The following AGBL1 variants were observed in gnomAD, a reference collection of about 807,000 sequenced individuals.
The protein encoded by AGBL1 is AGBL carboxypeptidase 1.
A neutral mutation model predicts 118.9 loss-of-function variants in AGBL1; 130 were observed. That is an observed-to-expected ratio of 1.09 (90% CI 0.95 to 1.26). The LOEUF (loss-of-function observed/expected upper bound fraction) is 1.26, where lower values mean the gene tolerates loss of function less well. AGBL1 is among the 50% of genes most tolerant of loss of function. The probability of loss-of-function intolerance (pLI) is 0.00; values close to 1 mark genes in which losing one functional copy is unlikely to be tolerated. For missense variants in AGBL1, 1,584 were observed against 1,298.1 expected (o/e 1.22, Z -3.38); for synonymous variants, 555 against 478.9 (o/e 1.16, Z -2.08).
intron 22 of AGBL1, among the ~76,000 whole-genome samples, chr15:86,881,964 G>T (rs529931336): frequency 6.6e-6 from 1 of 152,222 alleles, no homozygotes; most frequent in Non-Finnish European, 1.5e-5. Context: ...TCCCACCAGC[G>T]CCCACCTCCA....
chr15:86,936,711 C>A (rs1402789006), intron 23 of AGBL1, among the ~76,000 whole-genome samples: 6 of 152,118 alleles, frequency 3.9e-5, no homozygotes, highest in African/African-American at 1.4e-4. Context: ...TGGAAGACAA[C>A]CTAGGCAATA....
At chr15:86,306,313 A>C (rs2079839749) in intron 17 of AGBL1, among the ~76,000 whole-genome samples, 2 of 152,014 alleles carry the variant, frequency 1.3e-5, no homozygotes, top group South Asian at 4.1e-4. Flanking sequence ...GTGACCCTCT[A>C]CTACCTTCCA....
chr15:86,465,245 C>T (rs185786614), intron 18 of AGBL1, among the ~76,000 whole-genome samples: 19 of 152,218 alleles, frequency 1.2e-4, no homozygotes, highest in African/African-American at 4.6e-4. Flanking sequence ...TTATCACTTC[C>T]CCAATCAATA....
chr15:86,385,178 TTCA>T (rs1248010508), intron 17 of AGBL1, among the ~76,000 whole-genome samples: 2 of 152,260 alleles, frequency 1.3e-5, no homozygotes, highest in African/African-American at 2.4e-5. Flanking sequence ...CTATGTCTCA[TTCA>T]TCATTTTTTC....
Position 86,674,331 on chromosome 15 carries a change from T to C in AGBL1, c.3053T>C (p.Leu1018Pro), listed in dbSNP as rs577431133. Residue 1018 changes from leucine to proline, a missense_variant, in exon 22 of 23, where the codon CTC becomes CCC. Physicochemically the swap from Leu to Pro is moderately conservative, Grantham distance 98. Transcript: ENST00000614907. Reference protein sequence around the residue: ...EEMGAMFCLGLLILELKSASC... With the variant: ...EEMGAMFCLGPLILELKSASC... ...ATGGGAGCCATGTTCTGTTTGGGCC[T>C]CCTCATCCTGGAGCTCAAATCTGCC... 13 of 1,612,274 alleles carry C rather than the reference T, an allele frequency of 8.1e-6. No individual in the cohort carries two copies. The highest frequency in any genetic ancestry group is 1.1e-5 in the Non-Finnish European group (13 of 1,179,224).
chr15:86,234,830 TCATCAC>T (rs1437441593), intron 6 of AGBL1, among the ~76,000 whole-genome samples: 1 of 152,200 alleles, frequency 6.6e-6, no homozygotes, highest in Non-Finnish European at 1.5e-5. Context: ...TGTTTTATTG[TCATCAC>T]CATTTCAAAA....
chr15:86,884,170 A>G lies in AGBL1; in HGVS notation c.3159-22917A>G, dbSNP rs551806621. On this transcript the variant is annotated intron_variant, in intron 22 of 22. Coordinates refer to ENST00000614907, the MANE Select transcript of AGBL1 (RefSeq NM_001386094.1). ...AACACTATTATTGCACTTTGGGGCC[A>G]TTATTAAGTCCAACAAAGGTTACTT... Among the ~76,000 whole-genome samples the G allele has an allele frequency of 5.9e-5, 9 of 152,298 alleles. No individual in the cohort carries two copies. In the South Asian group the frequency reaches 1.2e-3, roughly 21 times the overall value.
chr15:86,404,187 G>A (rs920565478), intron 18 of AGBL1, among the ~76,000 whole-genome samples: 5 of 152,124 alleles, frequency 3.3e-5, no homozygotes, highest in Non-Finnish European at 7.3e-5. Flanking sequence ...AGAAGCCATG[G>A]CGCAGCCTTG....
At chr15:86,306,305 G>A (rs1472661115) in intron 17 of AGBL1, among the ~76,000 whole-genome samples, 1 of 151,910 alleles carries the variant, frequency 6.6e-6, no homozygotes, top group African/African-American at 2.4e-5. Context: ...CTCCCCCTGT[G>A]ACCCTCTACT....
At chr15:86,501,974 A>G (rs1256565672) in intron 18 of AGBL1, among the ~76,000 whole-genome samples, 1 of 151,554 alleles carries the variant, frequency 6.6e-6, no homozygotes, top group Non-Finnish European at 1.5e-5. Flanking sequence ...TTTTGAAAAT[A>G]AAAAAACCCA....
chr15:86,173,882 C>T (rs2077447587), intron 5 of AGBL1, among the ~76,000 whole-genome samples: 1 of 152,088 alleles, frequency 6.6e-6, no homozygotes, highest in Non-Finnish European at 1.5e-5. Context: ...AGTGTAATGC[C>T]TCCAGCTTTG....
At chr15:86,082,705 C>A (rs999328908) in intron 1 of AGBL1, among the ~76,000 whole-genome samples, 7 of 152,196 alleles carry the variant, frequency 4.6e-5, no homozygotes, top group Non-Finnish European at 7.3e-5. Flanking sequence ...GTTTTCCCTA[C>A]CACAACTTGA....
At chr15:87,030,208 G>T (rs1362076845), downstream of AGBL1, among the ~76,000 whole-genome samples, 1 of 151,860 alleles carries the variant, frequency 6.6e-6, no homozygotes, top group Non-Finnish European at 1.5e-5. Context: ...AGCACAATAT[G>T]CAAGGATTCA....
At chr15:86,624,777 C>T (rs2084859025) in intron 21 of AGBL1, among the ~76,000 whole-genome samples, 1 of 152,170 alleles carries the variant, frequency 6.6e-6, no homozygotes, top group Admixed American at 6.5e-5. Context: ...CCCAGGGACT[C>T]CTCTACAAAC....
intron 21 of AGBL1, among the ~76,000 whole-genome samples, chr15:86,565,955 G>T (rs901913309): frequency 2.6e-5 from 4 of 152,222 alleles, no homozygotes; most frequent in Non-Finnish European, 5.9e-5. Context: ...ATCTCCTAGC[G>T]TGCCATTTGC....
intron 18 of AGBL1, 129 bp from the exon 19 acceptor site, chr15:86,522,681 T>A: frequency 8.4e-7 from 1 of 1,184,358 alleles, no homozygotes; most frequent in East Asian, 2.6e-5. Flanking sequence ...CTGAAATTGA[T>A]GCCAATTGGG....
At chr15:86,371,606 T>C (rs1211634063) in intron 17 of AGBL1, among the ~76,000 whole-genome samples, 1 of 152,196 alleles carries the variant, frequency 6.6e-6, no homozygotes, top group Non-Finnish European at 1.5e-5. Flanking sequence ...GTCATTATTA[T>C]GTGTGTGTGG....
intron 5 of AGBL1, among the ~76,000 whole-genome samples, chr15:86,221,951 T>C (rs1280019971): frequency 6.6e-6 from 1 of 152,174 alleles, no homozygotes; most frequent in Non-Finnish European, 1.5e-5. Flanking sequence ...CACAATGCAC[T>C]ATTGGGTCAA....
chr15:86,727,345 C>T lies in AGBL1; in HGVS notation c.3158+52909C>T, dbSNP rs534404228. On this transcript the variant is annotated intron_variant, in intron 22 of 22. Coordinates refer to ENST00000614907, the MANE Select transcript of AGBL1 (RefSeq NM_001386094.1). ...CAGAAGTATCAGCTGAGATGTGACG[C>T]GATCACACATGGGCTGGCAACGACT... Among the ~76,000 whole-genome samples, 20 of 152,166 alleles carry T rather than the reference C, an allele frequency of 1.3e-4. No individual in the cohort carries two copies. In the East Asian group the frequency reaches 3.3e-3, roughly 25 times the overall value.
Sources: allele counts gnomAD v4.1 joint callset (sites outside exome capture counted in the v4.1 genomes callset), GRCh38; gene constraint gnomAD v4.1.1; transcripts MANE v1.5; gene names NCBI Gene and HGNC (gene_info 2026-07-23, HGNC 2026-07-21).